Variants in FOXN3 observed in about 807,000 individuals in gnomAD.
FOXN3 encodes forkhead box N3, also known as forkhead box protein N3.
In FOXN3, 7 loss-of-function variants were observed where a neutral mutation model predicts 38.4. The observed-to-expected ratio is 0.18, with a 90% CI of 0.10 to 0.34. The LOEUF (loss-of-function observed/expected upper bound fraction) is 0.34, where lower values mean the gene tolerates loss of function less well. FOXN3 is among the 10% of genes least tolerant of loss of function. The probability of loss-of-function intolerance (pLI) is 1.00; values close to 1 mark genes in which losing one functional copy is unlikely to be tolerated. For missense variants in FOXN3, 456 were observed against 613.4 expected (o/e 0.74, Z 2.71); for synonymous variants, 230 against 242.2 (o/e 0.95, Z 0.47).
intron 4 of FOXN3, among the ~76,000 whole-genome samples, chr14:89,238,007 C>A (rs1021674773): frequency 3.9e-5 from 6 of 152,190 alleles, no homozygotes; most frequent in African/African-American, 1.2e-4. Flanking sequence ...GTTGCTCCAG[C>A]CTTTTAAGTC....
At chr14:89,177,014 T>A (rs1045465620) in intron 5 of FOXN3, among the ~76,000 whole-genome samples, 1 of 145,674 alleles carries the variant, frequency 6.9e-6, no homozygotes, top group Non-Finnish European at 1.5e-5. Flanking sequence ...TCTTTCTTTT[T>A]TTTTTTTTTT....
intron 3 of FOXN3, among the ~76,000 whole-genome samples, chr14:89,337,722 T>C (rs1888507045): frequency 1.3e-5 from 2 of 151,512 alleles, no homozygotes; most frequent in African/African-American, 4.8e-5. Flanking sequence ...CTCTGCCTCC[T>C]AGGTTCAAGC....
chr14:89,200,015 C>T (rs1888196301), intron 4 of FOXN3, among the ~76,000 whole-genome samples: 1 of 152,184 alleles, frequency 6.6e-6, no homozygotes, highest in Non-Finnish European at 1.5e-5. Context: ...TGGAACCAAT[C>T]CCCCATGGAT....
rs149827991 is a variant in FOXN3, at chr14:89,252,207, A to T, written c.745+28743T>A. On this transcript the variant is annotated intron_variant, in intron 4 of 5. Coordinates refer to ENST00000557258, the MANE Select transcript of FOXN3 (RefSeq NM_005197.4). The stretch of plus-strand genomic sequence containing the variant: ...TCAGCTAATAACCTGCTAAACTACC[A>T]GCCAGATCCAGGCTATAGAGCCAAG... 3.5e-3 allele frequency among the ~76,000 whole-genome samples: 534 copies of T among 152,354 alleles called. 2 individuals are homozygous for T. The highest frequency in any genetic ancestry group is 3.7e-3 in the Non-Finnish European group (251 of 68,036).
intron 3 of FOXN3, among the ~76,000 whole-genome samples, chr14:89,304,398 GGA>G (rs1887313625): frequency 6.6e-6 from 1 of 152,192 alleles, no homozygotes; most frequent in African/African-American, 2.4e-5. Flanking sequence ...GGTGAAGACA[GGA>G]GAGAGATGTT....
intron 3 of FOXN3, chr14:89,284,624 G>A (rs559428935): frequency 1.3e-5 from 6 of 454,526 alleles, no homozygotes; most frequent in African/African-American, 6.0e-5. Context: ...AAAGACACGC[G>A]GGCTCCTATT....
In FOXN3 at chr14:89,219,930, C is replaced by T. The variant is rs192605391; in HGVS notation, c.746-39124G>A. Reference sequence around the variant, plus strand: ...CCAGAAGCTGTTAGGAGAGAAGTCTCAGGCAGGATCCTTGCCACTTACAGA... The same window carrying T: ...CCAGAAGCTGTTAGGAGAGAAGTCTTAGGCAGGATCCTTGCCACTTACAGA... On this transcript the variant is annotated intron_variant, in intron 4 of 5. Transcript: ENST00000557258. 1.7e-4 allele frequency among the ~76,000 whole-genome samples: 26 copies of T among 152,244 alleles called. No individual in the cohort carries two copies. In the East Asian group the frequency reaches 4.6e-3, roughly 27 times the overall value.
At chr14:89,306,365 CTTTTTT>C (rs1333479106) in intron 3 of FOXN3, among the ~76,000 whole-genome samples, 2 of 145,506 alleles carry the variant, frequency 1.4e-5, no homozygotes, top group African/African-American at 2.5e-5. Context: ...CTTTGGTTCT[CTTTTTT>C]TTTTTTGAGA....
chr14:89,387,532 T>G (rs1890826561), intron 2 of FOXN3, among the ~76,000 whole-genome samples: 1 of 152,198 alleles, frequency 6.6e-6, no homozygotes, highest in African/African-American at 2.4e-5. Flanking sequence ...GATTCAGCCC[T>G]AGGTCTCTCT....
At chr14:89,256,907 C>T (rs1885641342) in intron 4 of FOXN3, among the ~76,000 whole-genome samples, 1 of 152,204 alleles carries the variant, frequency 6.6e-6, no homozygotes, top group Non-Finnish European at 1.5e-5. Flanking sequence ...GAGACCTCTG[C>T]AAGTCTACTT....
At chr14:89,521,108 C>T (rs1219910430) in intron 1 of FOXN3, among the ~76,000 whole-genome samples, 1 of 152,004 alleles carries the variant, frequency 6.6e-6, no homozygotes, top group African/African-American at 2.4e-5. Flanking sequence ...GGTCAGGAGA[C>T]AGACCATCCT....
intron 5 of FOXN3, among the ~76,000 whole-genome samples, chr14:89,175,264 C>T (rs1024266576): frequency 5.9e-5 from 9 of 152,204 alleles, no homozygotes; most frequent in East Asian, 3.9e-4. Flanking sequence ...CAGCCTTAGA[C>T]GGTGATTGGA....
chr14:89,258,609 T>C (rs1471104989), intron 4 of FOXN3, among the ~76,000 whole-genome samples: 1 of 152,228 alleles, frequency 6.6e-6, no homozygotes, highest in Non-Finnish European at 1.5e-5. Flanking sequence ...AACACCTACA[T>C]CTTATTTGCT....
chr14:89,287,350 C>T (rs1021830634), intron 3 of FOXN3, among the ~76,000 whole-genome samples: 5 of 152,056 alleles, frequency 3.3e-5, no homozygotes, highest in African/African-American at 4.8e-5. Context: ...GACACAGTTT[C>T]GCCATTGGCC....
Position 89,548,188 on chromosome 14 carries a change from T to C in FOXN3, c.-15+70840A>G, listed in dbSNP as rs1894922891. 6.6e-6 allele frequency among the ~76,000 whole-genome samples: 1 copy of C among 152,182 alleles called. No homozygotes were observed. The highest frequency in any genetic ancestry group is 1.5e-5 in the Non-Finnish European group (1 of 68,030). ...CCATTCACTTAGAGTAAAAATTACC[T>C]TTCACTTGCTTACTCCTGCCTGCGC... On this transcript the variant is annotated intron_variant, in intron 1 of 6. Coordinates refer to the FOXN3 transcript ENST00000345097. This position sits in a 1 kb window ranked among gnomAD's most constrained non-coding sequence, Gnocchi z 4.8.
intron 1 of FOXN3, among the ~76,000 whole-genome samples, chr14:89,514,660 T>G (rs183087539): frequency 1.2e-4 from 19 of 152,334 alleles, no homozygotes; most frequent in African/African-American, 3.4e-4. Context: ...TTTCCACTAC[T>G]CACACTGCCT....
At chr14:89,559,536 C>T (rs1246921628) in intron 1 of FOXN3, among the ~76,000 whole-genome samples, 5 of 151,740 alleles carry the variant, frequency 3.3e-5, no homozygotes, top group African/African-American at 1.2e-4. Context: ...ATTAGCTGGG[C>T]GTGGTGGTGG....
chr14:89,468,771 G>A (rs866747826), intron 1 of FOXN3, among the ~76,000 whole-genome samples: 7 of 152,110 alleles, frequency 4.6e-5, no homozygotes, highest in African/African-American at 9.7e-5. Flanking sequence ...GGTGAATATC[G>A]AGGTTGTATC....
At chr14:89,176,584 T>C (rs1274311043) in intron 5 of FOXN3, among the ~76,000 whole-genome samples, 2 of 152,254 alleles carry the variant, frequency 1.3e-5, no homozygotes, top group African/African-American at 4.8e-5. Context: ...GTCTGGGAGA[T>C]AACATTCTGT....
Sources: gnomAD v4.1 joint callset for allele counts (sites outside exome capture counted in the v4.1 genomes callset) on GRCh38, gnomAD v4.1.1 for gene constraint, Gnocchi (gnomAD v3.1) non-coding constraint, MANE v1.5 for transcripts, NCBI Gene and HGNC (gene_info 2026-07-23, HGNC 2026-07-21) for gene names.